The following PCDH9 variants were observed in gnomAD, a reference collection of about 807,000 sequenced individuals.
PCDH9 encodes protocadherin-9.
In PCDH9, 24 loss-of-function variants were observed where a neutral mutation model predicts 70.6. The observed-to-expected ratio is 0.34, with a 90% confidence interval of 0.25 to 0.48. The LOEUF (loss-of-function observed/expected upper bound fraction) is 0.48, where lower values mean the gene tolerates loss of function less well. PCDH9 is among the 20% of genes least tolerant of loss of function. The pLI is 0.99. For synonymous variants in PCDH9, 562 were observed against 558.5 expected (o/e 1.01, Z -0.09); for missense variants, 1,281 against 1,503.6 (o/e 0.85, Z 2.45).
intron 3 of PCDH9, among the ~76,000 whole-genome samples, chr13:66,700,917 CATATAAATATAT>C (rs1261432630): frequency 0.027 from 1,410 of 51,720 alleles, 68 homozygotes; most frequent in African/African-American, 0.078. Flanking sequence ...TATGTGTGTA[CATATAAATATAT>C]ATATATATAT....
At chr13:66,671,491 T>C (rs2078174882) in intron 3 of PCDH9, among the ~76,000 whole-genome samples, 1 of 152,194 alleles carries the variant, frequency 6.6e-6, no homozygotes, top group African/African-American at 2.4e-5. Context: ...TGGAACTTCT[T>C]AGAGACTTGT....
intron 2 of PCDH9, among the ~76,000 whole-genome samples, chr13:67,125,887 A>ATG (rs1246138949): frequency 4.6e-5 from 7 of 151,712 alleles, no homozygotes; most frequent in Admixed American, 2.0e-4. Context: ...GTGTATATAT[A>ATG]TGTGTGTGTG....
chr13:66,602,708 A>G lies in PCDH9; in HGVS notation c.3340+28502T>C, dbSNP rs1046264335. Among the ~76,000 whole-genome samples the G allele has an allele frequency of 2.5e-4, 36 of 145,728 alleles. 5 individuals carry two copies. The highest frequency in any genetic ancestry group is 2.1e-4 in the Admixed American group (3 of 14,460). ...TGCGGCCTAAGTGTATATTCTTTAC[A>G]TAGTCTACCTTAGTGCAAAGTATGT... is the stretch of plus-strand genomic sequence containing the variant. On this transcript the variant is annotated intron_variant, in intron 4 of 4. Coordinates refer to ENST00000377865, the MANE Select transcript of PCDH9 (RefSeq NM_203487.3).
At chr13:66,392,728 T>G (rs902144346) in intron 4 of PCDH9, among the ~76,000 whole-genome samples, 4 of 152,134 alleles carry the variant, frequency 2.6e-5, no homozygotes, top group African/African-American at 4.8e-5. Context: ...CAGCACCACT[T>G]TAGGTTACAC....
intron 3 of PCDH9, among the ~76,000 whole-genome samples, chr13:66,748,154 T>C (rs2079401462): frequency 6.6e-6 from 1 of 152,182 alleles, no homozygotes; most frequent in Non-Finnish European, 1.5e-5. Flanking sequence ...TTAGCTTAGA[T>C]TGCTGCTTTT....
At chr13:66,725,834 T>C (rs768808607) in intron 3 of PCDH9, among the ~76,000 whole-genome samples, 1 of 152,150 alleles carries the variant, frequency 6.6e-6, no homozygotes, top group Non-Finnish European at 1.5e-5. Flanking sequence ...TCAATTTTAT[T>C]CCCCTGGGAC....
intron 2 of PCDH9, among the ~76,000 whole-genome samples, chr13:67,026,557 T>C: frequency 6.6e-6 from 1 of 152,082 alleles, no homozygotes; most frequent in East Asian, 1.9e-4. Context: ...TTGGAAGTTC[T>C]GGCCAGGGCA....
chr13:66,879,775 C>T (rs911680719), intron 3 of PCDH9, among the ~76,000 whole-genome samples: 2 of 151,930 alleles, frequency 1.3e-5, no homozygotes, highest in African/African-American at 2.4e-5. Context: ...TAAGACAACA[C>T]AACAAATGTC....
intron 4 of PCDH9, among the ~76,000 whole-genome samples, chr13:66,337,448 G>A (rs1161064186): frequency 6.6e-6 from 1 of 152,038 alleles, no homozygotes; most frequent in South Asian, 2.1e-4. Context: ...TGAGGTATGA[G>A]AGTAGAATGT....
At chr13:67,019,487 G>A (rs144019078) in intron 2 of PCDH9, among the ~76,000 whole-genome samples, 88 of 152,002 alleles carry the variant, frequency 5.8e-4, no homozygotes, top group African/African-American at 2.0e-3. Flanking sequence ...GAGCCACCAC[G>A]CTGGCCCACG....
chr13:66,428,793 CTTAT>C (rs1957717889), intron 4 of PCDH9, among the ~76,000 whole-genome samples: 1 of 151,588 alleles, frequency 6.6e-6, no homozygotes, highest in African/African-American at 2.4e-5. Context: ...TGGTATGCCA[CTTAT>C]TTAAATCAAC....
At chr13:66,621,653 G>A (rs2077423069) in intron 4 of PCDH9, among the ~76,000 whole-genome samples, 1 of 152,004 alleles carries the variant, frequency 6.6e-6, no homozygotes, top group Non-Finnish European at 1.5e-5. Context: ...TGATCTGTAG[G>A]GTCCTAAGAT....
At position 66,519,729 on chromosome 13, in the gene PCDH9, T is replaced by C. The variant is rs565187515; in HGVS notation, c.3340+111481A>G. On this transcript the variant is annotated intron_variant, in intron 4 of 4. Transcript: ENST00000377865. The stretch of plus-strand genomic sequence containing the variant: ...AAGAGGCTTGTTACCCACATTTGCA[T>C]GACACAGTATCATTCTCAATTATAT... 5.9e-5 allele frequency among the ~76,000 whole-genome samples: 9 copies of C among 152,244 alleles called. No homozygotes were observed. The South Asian group carries it at 1.7e-3, about 28-fold the overall frequency.
intron 4 of PCDH9, among the ~76,000 whole-genome samples, chr13:66,574,273 C>T (rs2076780143): frequency 6.6e-6 from 1 of 152,198 alleles, no homozygotes; most frequent in African/African-American, 2.4e-5. Context: ...AGCCAATTTT[C>T]CCAACCAGCT....
chr13:66,826,798 C>T (rs937083671), intron 3 of PCDH9, among the ~76,000 whole-genome samples: 6 of 152,094 alleles, frequency 3.9e-5, no homozygotes, highest in African/African-American at 1.4e-4. Flanking sequence ...AAGGATGAGA[C>T]TAATCATATT....
intron 2 of PCDH9, among the ~76,000 whole-genome samples, chr13:67,039,092 G>A (rs1029407007): frequency 1.3e-5 from 2 of 152,100 alleles, no homozygotes; most frequent in African/African-American, 4.8e-5. Context: ...CTTCTGCATT[G>A]GCAAATGCAT....
chr13:66,879,233 T>G (rs2081878087), intron 3 of PCDH9, among the ~76,000 whole-genome samples: 1 of 152,182 alleles, frequency 6.6e-6, no homozygotes, highest in Admixed American at 6.5e-5. Flanking sequence ...AGTTTTGTTA[T>G]GTAGTAGGAA....
At chr13:66,991,505 AT>A (rs2084002298) in intron 2 of PCDH9, among the ~76,000 whole-genome samples, 1 of 151,402 alleles carries the variant, frequency 6.6e-6, no homozygotes, top group Non-Finnish European at 1.5e-5. Flanking sequence ...GTTACATAAT[AT>A]TTTTGAAAGC....
chr13:66,608,205 T>G (rs1358400245), intron 4 of PCDH9, among the ~76,000 whole-genome samples: 2 of 152,106 alleles, frequency 1.3e-5, no homozygotes, highest in African/African-American at 4.8e-5. Context: ...TCAGTAAAAC[T>G]CTAAGTTACA....
Sources: gnomAD v4.1 joint callset for allele counts (sites outside exome capture counted in the v4.1 genomes callset) on GRCh38, gnomAD v4.1.1 for gene constraint, MANE v1.5 for transcripts, NCBI Gene and HGNC (gene_info 2026-07-23, HGNC 2026-07-21) for gene names.